The following SLC2A14 variants were observed in gnomAD, a reference collection of about 807,000 sequenced individuals.
SLC2A14 encodes the protein solute carrier family 2, facilitated glucose transporter member 14.
A neutral mutation model predicts 43.0 loss-of-function variants in SLC2A14; 13 were observed. That is an observed-to-expected ratio of 0.30 (90% CI 0.20 to 0.48). SLC2A14 has a LOEUF of 0.48. Ranked by LOEUF, SLC2A14 falls within the 20% of genes least tolerant of loss-of-function variation. SLC2A14 has a pLI of 0.99. For synonymous variants in SLC2A14, 190 were observed against 233.8 expected (o/e 0.81, Z 1.71); for missense variants, 428 against 620.4 (o/e 0.69, Z 3.29).
chr12:7,884,609 C>A (rs1227573594), intron 1 of SLC2A14, among the ~76,000 whole-genome samples: 1 of 152,114 alleles, frequency 6.6e-6, no homozygotes, highest in Non-Finnish European at 1.5e-5. Flanking sequence ...GAGATAATAG[C>A]ATTGTCATAG....
chr12:7,815,239 C>T (rs1344726228), intron 10 of SLC2A14, among the ~76,000 whole-genome samples: 5 of 151,444 alleles, frequency 3.3e-5, no homozygotes, highest in Admixed American at 2.0e-4. Context: ...GGCAAAACCC[C>T]GTCTCTACTA....
chr12:7,831,744 A>G lies in SLC2A14; in HGVS notation c.132T>C (p.Asn44=). The G allele has an allele frequency of 6.2e-7, 1 of 1,614,238 alleles. No homozygotes were observed. Among genetic ancestry groups the G allele is most frequent in the Non-Finnish European group, 8.5e-7 (1 of 1,180,050 alleles). ...APETIIKEFI[N]KTLTDKANAP... ...CATTTGCCTTGTCCGTCAAAGTTTT[A>G]TTGATAAATTCCTTTATGATCTGCA... Residue 44 remains asparagine (N), a synonymous_variant, in exon 4 of 11, where the codon AAT becomes AAC. Coordinates refer to ENST00000431042, the MANE Select transcript of SLC2A14 (RefSeq NM_001286234.2).
At chr12:7,851,481 T>C (rs965677560) in intron 2 of SLC2A14, among the ~76,000 whole-genome samples, 2 of 152,156 alleles carry the variant, frequency 1.3e-5, no homozygotes, top group African/African-American at 2.4e-5. Context: ...CTGGAACATA[T>C]AGACATAGTC....
upstream of SLC2A14, among the ~76,000 whole-genome samples, chr12:7,874,724 A>G (rs1298788082): frequency 1.1e-3 from 37 of 34,320 alleles, no homozygotes; most frequent in South Asian, 0.015. Context: ...ATATAAATAT[A>G]TAAAAAATAT....
upstream of SLC2A14, among the ~76,000 whole-genome samples, chr12:7,874,791 ATATAAAT>A (rs1317799909): frequency 9.8e-5 from 4 of 40,842 alleles, no homozygotes; most frequent in Non-Finnish European, 9.2e-5. Flanking sequence ...ATATATAAAT[ATATAAAT>A]AATATATAAA....
At chr12:7,814,953 G>A (rs749703803) in intron 10 of SLC2A14, among the ~76,000 whole-genome samples, 2 of 151,880 alleles carry the variant, frequency 1.3e-5, no homozygotes, top group African/African-American at 2.4e-5. Context: ...GTGCCCACCA[G>A]CACGCCTGGC....
rs1252804471 is a variant in SLC2A14, at chr12:7,827,536, T to G, written c.823A>C (p.Ile275Leu). The change falls in exon 7 of 11, where the codon ATT becomes CTT. Residue 275 changes from isoleucine (I) to leucine (L), a missense_variant. Coordinates refer to ENST00000431042, the MANE Select transcript of SLC2A14 (RefSeq NM_001286234.2). ...SSYRQPIIIS[I>L]VLQLSQQLSG... Reference sequence around the variant, plus strand: ...AGCTGCTGAGAGAGCTGGAGCACAATGGAAATGATGATGGGCTGTCGGTAG... The same window carrying G: ...AGCTGCTGAGAGAGCTGGAGCACAAGGGAAATGATGATGGGCTGTCGGTAG... 51 of 1,612,502 alleles carry G rather than the reference T, an allele frequency of 3.2e-5. No individual in the cohort carries two copies. Among genetic ancestry groups the G allele is most frequent in the Non-Finnish European group, 4.2e-5 (49 of 1,179,770 alleles).
chr12:7,875,978 A>T (rs1033181225), upstream of SLC2A14, among the ~76,000 whole-genome samples: 2 of 148,812 alleles, frequency 1.3e-5, no homozygotes, highest in Non-Finnish European at 3.0e-5. Context: ...TTCGTCCCAG[A>T]AAAAAAAAAG....
chr12:7,880,911 G>T (rs7964086), intron 1 of SLC2A14, among the ~76,000 whole-genome samples: 43,904 of 151,652 alleles, frequency 0.29, 6,424 homozygotes, highest in South Asian at 0.37. Context: ...AGGCTGAGGC[G>T]GGTGGATCAT....
chr12:7,842,092 T>G (rs1164389885), intron 2 of SLC2A14, among the ~76,000 whole-genome samples: 1 of 152,138 alleles, frequency 6.6e-6, no homozygotes, highest in Non-Finnish European at 1.5e-5. Context: ...TTTGCTGTCT[T>G]TTTGCATAGT....
chr12:7,845,793 A>AG (rs1270075879), intron 2 of SLC2A14, among the ~76,000 whole-genome samples: 3 of 120,060 alleles, frequency 2.5e-5, no homozygotes, highest in Non-Finnish European at 3.5e-5. Flanking sequence ...AAAAAAAAAA[A>AG]AGAAATGCAA....
upstream of SLC2A14, among the ~76,000 whole-genome samples, chr12:7,874,812 G>A (rs918596345): frequency 0.34 from 6,338 of 18,864 alleles, 606 homozygotes; most frequent in Middle Eastern, 0.5. Flanking sequence ...ATATAAATAC[G>A]TATTTATATA....
intron 4 of SLC2A14, 124 bp downstream of exon 4, chr12:7,831,480 T>A: frequency 1.4e-6 from 2 of 1,435,504 alleles, no homozygotes; most frequent in Non-Finnish European, 1.9e-6. Flanking sequence ...TGGGCTAGTT[T>A]CCCTTGATTA....
In SLC2A14 at chr12:7,826,905, C is replaced by CT. The variant is rs1309202216; in HGVS notation, c.864+589dup. ...TCTTTCTTTCTTTCTTTCTTTCTTT[C>CT]TTTCTTTCTTTTTCCTTTTTCTTTC... On this transcript the variant is annotated intron_variant, in intron 7 of 10. Transcript: ENST00000431042. Among the ~76,000 whole-genome samples the CT allele has an allele frequency of 7.8e-5, 5 of 63,956 alleles. 1 individual carries two copies. The highest frequency in any genetic ancestry group is 8.8e-3 in the Middle Eastern group (1 of 114). 42.0% of individuals were successfully genotyped at this position (63,956 alleles called of 152,430 possible). A position where few individuals can be genotyped will look rare whatever the true frequency, so the allele number is the denominator to read the frequency against.
intron 10 of SLC2A14, among the ~76,000 whole-genome samples, chr12:7,815,023 C>G (rs955710321): frequency 2.6e-5 from 4 of 151,738 alleles, no homozygotes; most frequent in African/African-American, 9.7e-5. Flanking sequence ...TGGTCTCAAA[C>G]TCCTGACCTT....
intron 2 of SLC2A14, among the ~76,000 whole-genome samples, chr12:7,834,574 A>G (rs1217525016): frequency 1.3e-5 from 2 of 151,284 alleles, no homozygotes; most frequent in Non-Finnish European, 2.9e-5. Context: ...AAAAAAAAAA[A>G]AAAAATTAGC....
chr12:7,873,471 G>A (rs1267098093), upstream of SLC2A14: 1 of 521,132 alleles, frequency 1.9e-6, no homozygotes, highest in Admixed American at 6.4e-5. Flanking sequence ...GCGAAACCCA[G>A]TCTTTACTAA....
chr12:7,823,405 G>T (rs1049262734), intron 7 of SLC2A14, among the ~76,000 whole-genome samples: 2 of 148,496 alleles, frequency 1.3e-5, no homozygotes, highest in African/African-American at 2.5e-5. Flanking sequence ...GAAAAAAAAA[G>T]TAAGGTTGCT....
rs1239734245 is a variant in SLC2A14, at chr12:7,827,061, CTT to C, written c.864+432_864+433del. On this transcript the variant is annotated intron_variant, in intron 7 of 10. Transcript: ENST00000431042. ...TTCTCTCCTTTCTCTCTCTCTCTTTCTTTCTCTCTCTCTCTTTCTTTCTTTCT... is the reference window on the plus strand; with the variant it reads ...TTCTCTCCTTTCTCTCTCTCTCTTTCTCTCTCTCTCTCTTTCTTTCTTTCT... Among the ~76,000 whole-genome samples, 8 of 90,304 alleles carry C rather than the reference CTT, an allele frequency of 8.9e-5. No homozygotes were observed. The East Asian group carries it at 1.4e-3, about 16-fold the overall frequency. 59.2% of individuals were successfully genotyped at this position (90,304 alleles called of 152,430 possible).
Sources: allele counts gnomAD v4.1 joint callset (sites outside exome capture counted in the v4.1 genomes callset), GRCh38; gene constraint gnomAD v4.1.1; transcripts MANE v1.5; gene names NCBI Gene and HGNC (gene_info 2026-07-23, HGNC 2026-07-21).